The following GPR107 variants were observed in gnomAD, a reference collection of about 807,000 sequenced individuals.
The protein encoded by GPR107 is protein GPR107.
In GPR107, 31 loss-of-function variants were observed where a neutral mutation model predicts 75.5. The observed-to-expected ratio is 0.41, with a 90% CI of 0.31 to 0.55. The LOEUF is 0.55. Ranked by LOEUF, GPR107 falls within the 20% of genes least tolerant of loss-of-function variation. The probability of loss-of-function intolerance (pLI) is 0.26; values close to 1 mark genes in which losing one functional copy is unlikely to be tolerated. For missense variants in GPR107, 572 were observed against 665.7 expected, an observed-to-expected ratio of 0.86 and a Z score of 1.55; for synonymous variants, 267 against 251.3, an observed-to-expected ratio of 1.06 and a Z score of -0.59.
chr9:130,088,322 C>T (rs1409687839), intron 7 of GPR107, among the ~76,000 whole-genome samples: 1 of 152,220 alleles, frequency 6.6e-6, no homozygotes, highest in Admixed American at 6.5e-5. Context: ...TGCTGTCTCT[C>T]AGAATTCCGT....
At chr9:130,104,288 G>A (rs1308470981) in intron 12 of GPR107, 132 bp from the exon 13 acceptor site, 8 of 705,892 alleles carry the variant, frequency 1.1e-5, no homozygotes, top group African/African-American at 5.3e-5. Flanking sequence ...GGAAGAGCAC[G>A]TGGGACTGGA....
At chr9:130,079,021 C>T (rs1327583096) in intron 4 of GPR107, among the ~76,000 whole-genome samples, 6 of 152,194 alleles carry the variant, frequency 3.9e-5, no homozygotes, top group African/African-American at 1.4e-4. Context: ...TGCAGTGGCA[C>T]GATCTTGGCT....
At chr9:130,115,883 A>G (rs1161476224) in intron 14 of GPR107, among the ~76,000 whole-genome samples, 4 of 152,034 alleles carry the variant, frequency 2.6e-5, no homozygotes, top group African/African-American at 9.7e-5. Flanking sequence ...GATTACAGGC[A>G]TGAGCCACCG....
Position 130,137,374 on chromosome 9 carries a change from A to G in GPR107, c.*2253A>G, listed in dbSNP as rs1158944666. 2.6e-5 allele frequency: 4 copies of G among 152,266 alleles called. No homozygotes were observed. The highest frequency in any genetic ancestry group is 9.6e-5 in the African/African-American group (4 of 41,452). 9.4% of individuals were successfully genotyped at this position (152,266 alleles called of 1,614,324 possible). A position where few individuals can be genotyped will look rare whatever the true frequency, so the allele number is the denominator to read the frequency against. ...TCCACGCGTATGTCTGGGCTCACTC[A>G]CAGCATGGCCGAGTGTCTGCAGTGC... On this transcript the variant is annotated 3_prime_UTR_variant, in exon 18 of 18. Transcript: ENST00000347136.
intron 17 of GPR107, chr9:130,133,167 G>A (rs1831870515): frequency 6.6e-6 from 1 of 152,188 alleles, no homozygotes; most frequent in African/African-American, 2.4e-5. Context: ...AGAGCAATAA[G>A]ACCACTTCTT....
chr9:130,060,038 C>G (rs369939841), intron 1 of GPR107, among the ~76,000 whole-genome samples: 2 of 151,392 alleles, frequency 1.3e-5, no homozygotes, highest in Non-Finnish European at 2.9e-5. Context: ...CCAGGCCCAG[C>G]GTGATCAGTA....
intron 2 of GPR107, 91 bp from the exon 3 acceptor site, chr9:130,076,321 C>A: frequency 2.5e-6 from 2 of 788,040 alleles, no homozygotes; most frequent in South Asian, 1.5e-5. Context: ...GAGGAGACCA[C>A]GTTAGAAGTA....
intron 14 of GPR107, among the ~76,000 whole-genome samples, chr9:130,123,094 G>C (rs1446496283): frequency 6.6e-6 from 1 of 152,154 alleles, no homozygotes; most frequent in African/African-American, 2.4e-5. Context: ...ACCCAGCCTG[G>C]AGTGCAGTGG....
chr9:130,078,576 A>G (rs773118203), intron 4 of GPR107, among the ~76,000 whole-genome samples: 6 of 152,174 alleles, frequency 3.9e-5, no homozygotes, highest in African/African-American at 9.7e-5. Flanking sequence ...TACCTCACCT[A>G]TGTGCAGTGG....
intron 12 of GPR107, 152 bp from the exon 13 acceptor site, chr9:130,104,268 G>A (rs1226264548): frequency 1.4e-5 from 9 of 631,486 alleles, no homozygotes; most frequent in Non-Finnish European, 2.5e-5. Context: ...TAGCGGAGTG[G>A]CAGAGTTCTG....
At chr9:130,062,644 G>GCCTTCCTTCCTT (rs1293133081) in intron 1 of GPR107, among the ~76,000 whole-genome samples, 4 of 70,906 alleles carry the variant, frequency 5.6e-5, no homozygotes, top group African/African-American at 2.2e-4. Context: ...CTGCCTGCCT[G>GCCTTCCTTCCTT]CCTGCCTGCC....
intron 9 of GPR107, among the ~76,000 whole-genome samples, chr9:130,094,569 T>G (rs928078423): frequency 2.6e-5 from 4 of 152,032 alleles, no homozygotes; most frequent in African/African-American, 9.7e-5. Flanking sequence ...TAAGACTCTG[T>G]CTCTAAGAAA....
intron 1 of GPR107, among the ~76,000 whole-genome samples, chr9:130,073,513 T>C (rs1830263003): frequency 6.6e-6 from 1 of 152,218 alleles, no homozygotes; most frequent in African/African-American, 2.4e-5. Flanking sequence ...CTTTTCTAAT[T>C]GTTCTCTGTG....
At chr9:130,069,541 CTA>C (rs1271352727) in intron 1 of GPR107, among the ~76,000 whole-genome samples, 1 of 152,116 alleles carries the variant, frequency 6.6e-6, no homozygotes, top group Non-Finnish European at 1.5e-5. Context: ...ATCTATGCCT[CTA>C]TGACTTTTAT....
At chr9:130,084,506 G>C (rs1200826411) in intron 6 of GPR107, among the ~76,000 whole-genome samples, 1 of 151,982 alleles carries the variant, frequency 6.6e-6, no homozygotes, top group Non-Finnish European at 1.5e-5. Flanking sequence ...GGCTGGGCAT[G>C]GTGGCTTGCG....
intron 5 of GPR107, among the ~76,000 whole-genome samples, chr9:130,080,272 A>T (rs991448195): frequency 6.6e-6 from 1 of 152,114 alleles, no homozygotes; most frequent in Admixed American, 6.5e-5. Context: ...CAGAATTGCA[A>T]TTTCTGGTTC....
At chr9:130,130,714 A>G (rs1042507075) in intron 17 of GPR107, among the ~76,000 whole-genome samples, 1 of 152,082 alleles carries the variant, frequency 6.6e-6, no homozygotes, top group Non-Finnish European at 1.5e-5. Context: ...TACTAAAAAT[A>G]CAAAAATTAG....
intron 9 of GPR107, among the ~76,000 whole-genome samples, chr9:130,093,319 T>C (rs1452716886): frequency 1.3e-5 from 2 of 152,182 alleles, no homozygotes; most frequent in African/African-American, 4.8e-5. Context: ...AAACAAAATA[T>C]TAATATTCAT....
chr9:130,117,306 A>T (rs1392028705), intron 14 of GPR107, among the ~76,000 whole-genome samples: 1 of 152,158 alleles, frequency 6.6e-6, no homozygotes, highest in Non-Finnish European at 1.5e-5. Context: ...AAAGAATTTT[A>T]TTCTGTGTGT....
Sources: allele counts gnomAD v4.1 joint callset (sites outside exome capture counted in the v4.1 genomes callset), GRCh38; gene constraint gnomAD v4.1.1; transcripts MANE v1.5; gene names NCBI Gene and HGNC (gene_info 2026-07-23, HGNC 2026-07-21).